The following ANKS1B variants were observed in gnomAD, a reference collection of about 807,000 sequenced individuals.
ANKS1B encodes the protein ankyrin repeat and sterile alpha motif domain-containing protein 1B.
ANKS1B carries 36 observed loss-of-function variants against 148.3 expected under a neutral mutation model. That is an observed-to-expected ratio of 0.24 (90% CI 0.19 to 0.32). The LOEUF (loss-of-function observed/expected upper bound fraction) is 0.32, where lower values mean the gene tolerates loss of function less well. Among genes scored for constraint, ANKS1B ranks in the 10% least tolerant of loss-of-function variants. The pLI is 1.00. For synonymous variants in ANKS1B, 542 were observed against 560.8 expected, an observed-to-expected ratio of 0.97 and a Z score of 0.47; for missense variants, 1,157 against 1,542.6, an observed-to-expected ratio of 0.75 and a Z score of 4.19.
intron 2 of ANKS1B, among the ~76,000 whole-genome samples, chr12:99,815,474 T>C (rs1248200732): frequency 6.6e-6 from 1 of 151,802 alleles, no homozygotes; most frequent in Non-Finnish European, 1.5e-5. Context: ...TTGTTAAATG[T>C]GCTTATTTTT....
chr12:99,377,175 T>G (rs780944039), intron 12 of ANKS1B, among the ~76,000 whole-genome samples: 1 of 152,176 alleles, frequency 6.6e-6, no homozygotes, highest in South Asian at 2.1e-4. Flanking sequence ...GCCCAGCTAA[T>G]TTTTGTATTT....
At chr12:99,844,616 C>A (rs962094112) in intron 1 of ANKS1B, among the ~76,000 whole-genome samples, 6 of 152,114 alleles carry the variant, frequency 3.9e-5, no homozygotes, top group Admixed American at 3.3e-4. Context: ...GGTACCAGTA[C>A]CATGCTGTTT....
rs558513760 is a variant in ANKS1B, at chr12:99,523,616, C to T, written c.1273-18975G>A. On this transcript the variant is annotated intron_variant, in intron 9 of 26. Coordinates refer to ENST00000683438, the MANE Select transcript of ANKS1B (RefSeq NM_001352186.2). ...TTGCCCAGGCTGGAGTGCAGGGGCG[C>T]GATCTTGGCTCACTGCAAGCTCCGC... Among the ~76,000 whole-genome samples, 310 of 147,024 alleles carry T rather than the reference C, an allele frequency of 2.1e-3. 1 individual carries two copies. Among genetic ancestry groups the T allele is most frequent in the African/African-American group, 7.1e-3 (275 of 38,688 alleles).
chr12:99,824,493 C>CGAA (rs2153682379), intron 2 of ANKS1B, among the ~76,000 whole-genome samples: 1 of 148,472 alleles, frequency 6.7e-6, no homozygotes, highest in Non-Finnish European at 1.5e-5. Flanking sequence ...GAGTGAGACT[C>CGAA]TGTCTCAAAA....
At chr12:99,628,353 T>A (rs758561441) in intron 9 of ANKS1B, among the ~76,000 whole-genome samples, 7 of 152,126 alleles carry the variant, frequency 4.6e-5, no homozygotes, top group Non-Finnish European at 1.0e-4. Flanking sequence ...CCAATCCTAA[T>A]CTGGTTTCTG....
At chr12:99,612,090 G>T (rs770477204) in intron 9 of ANKS1B, among the ~76,000 whole-genome samples, 2 of 152,034 alleles carry the variant, frequency 1.3e-5, no homozygotes, top group African/African-American at 4.8e-5. Context: ...GTATTTAGCT[G>T]CATTTGAGGG....
chr12:99,042,614 T>C (rs58813359), intron 17 of ANKS1B, among the ~76,000 whole-genome samples: 2,442 of 152,310 alleles, frequency 0.016, 63 homozygotes, highest in African/African-American at 0.056. Flanking sequence ...ATGCTTCCCA[T>C]AAATCTTAGG....
In ANKS1B at chr12:98,799,265, A is replaced by G. The variant is rs1473917565; in HGVS notation, c.3271-260T>C. On this transcript the variant is annotated intron_variant, in intron 21 of 26. Transcript: ENST00000683438. Reference sequence around the variant, plus strand: ...ATCTTCTAAAGATGCCATCTTTCAAATCATATTTAACTGCAAAATGGGGGC... The same window carrying G: ...ATCTTCTAAAGATGCCATCTTTCAAGTCATATTTAACTGCAAAATGGGGGC... Among the ~76,000 whole-genome samples the G allele has an allele frequency of 9.2e-5, 14 of 152,278 alleles. No individual in the cohort carries two copies. In the East Asian group the frequency reaches 2.1e-3, roughly 23 times the overall value.
Position 99,534,867 on chromosome 12 carries a change from A to T in ANKS1B, c.1273-30226T>A, listed in dbSNP as rs747908825. The stretch of plus-strand genomic sequence containing the variant: ...TGGGACTACAGGCACCTGCCACCAC[A>T]CCCGGCTGATTTTTTCTATTTTTAG... On this transcript the variant is annotated intron_variant, in intron 9 of 26. Coordinates refer to ENST00000683438, the MANE Select transcript of ANKS1B (RefSeq NM_001352186.2). 6.2e-4 allele frequency among the ~76,000 whole-genome samples: 93 copies of T among 150,562 alleles called. 1 individual carries two copies. Among genetic ancestry groups the T allele is most frequent in the Admixed American group, 1.5e-3 (23 of 15,136 alleles).
chr12:99,221,096 T>C (rs1393642469), intron 14 of ANKS1B, among the ~76,000 whole-genome samples: 2 of 152,094 alleles, frequency 1.3e-5, no homozygotes, highest in African/African-American at 4.8e-5. Context: ...TCCCAGCACC[T>C]TGGGAGGCTG....
intron 16 of ANKS1B, among the ~76,000 whole-genome samples, 187 bp from the exon 17 acceptor site, chr12:99,053,496 A>C (rs181372808): frequency 4.4e-4 from 67 of 152,324 alleles, no homozygotes; most frequent in African/African-American, 1.6e-3. Context: ...TTCACGCTGA[A>C]TAGGTTTTCA....
chr12:99,648,018 C>T, intron 9 of ANKS1B: 6 of 1,009,704 alleles, frequency 5.9e-6, no homozygotes, highest in Non-Finnish European at 8.5e-6. Context: ...ATACCCCACC[C>T]TCCCTGTTCT....
intron 8 of ANKS1B, among the ~76,000 whole-genome samples, chr12:99,683,976 A>G (rs2098635712): frequency 6.6e-6 from 1 of 152,096 alleles, no homozygotes; most frequent in Non-Finnish European, 1.5e-5. Context: ...AATAAAATCC[A>G]TCTAAGACAA....
intron 12 of ANKS1B, among the ~76,000 whole-genome samples, chr12:99,253,962 T>A (rs1458957556): frequency 6.6e-6 from 1 of 152,206 alleles, no homozygotes; most frequent in Non-Finnish European, 1.5e-5. Flanking sequence ...AAATCCAATT[T>A]GTGGGCCATT....
At chr12:99,288,060 G>A (rs190706204) in intron 12 of ANKS1B, among the ~76,000 whole-genome samples, 61 of 152,168 alleles carry the variant, frequency 4.0e-4, no homozygotes, top group Non-Finnish European at 3.4e-4. Flanking sequence ...ACAAGAACAA[G>A]AAGGTTCTAT....
chr12:99,212,705 A>G (rs2083514320), intron 14 of ANKS1B, among the ~76,000 whole-genome samples: 2 of 152,180 alleles, frequency 1.3e-5, no homozygotes, highest in Non-Finnish European at 2.9e-5. Flanking sequence ...GTCAAAGACA[A>G]TTTCCAGGTT....
At chr12:99,899,484 T>A (rs1397863580) in intron 1 of ANKS1B, among the ~76,000 whole-genome samples, 2 of 152,202 alleles carry the variant, frequency 1.3e-5, no homozygotes, top group Non-Finnish European at 2.9e-5. Context: ...AGTTTAATGT[T>A]ACAGAATATA....
At chr12:98,831,990 A>G in intron 18 of ANKS1B, 39 bp downstream of exon 18, 9 of 1,520,082 alleles carry the variant, frequency 5.9e-6, no homozygotes, top group African/African-American at 1.4e-5. Flanking sequence ...AGTTCTTAAG[A>G]TAAGGGCAGA....
intron 16 of ANKS1B, among the ~76,000 whole-genome samples, chr12:99,071,143 G>A (rs1285230778): frequency 1.3e-5 from 2 of 152,146 alleles, no homozygotes; most frequent in African/African-American, 4.8e-5. Context: ...ACTATATTAA[G>A]ATCATTTGCA....
Sources: gnomAD v4.1 joint callset for allele counts (sites outside exome capture counted in the v4.1 genomes callset) on GRCh38, gnomAD v4.1.1 for gene constraint, MANE v1.5 for transcripts, NCBI Gene and HGNC (gene_info 2026-07-23, HGNC 2026-07-21) for gene names.